EYS: variants seen among roughly 807,000 people sequenced by gnomAD.
The protein encoded by EYS is EGF-like photoreceptor maintenance factor.
In EYS, 250 loss-of-function variants were observed where a neutral mutation model predicts 282.1. That is an observed-to-expected ratio of 0.89 (90% confidence interval 0.80 to 0.98). EYS has a LOEUF of 0.98. EYS is among the 50% of genes least tolerant of loss of function. EYS has a pLI of 0.00. For synonymous variants in EYS, 1,355 were observed against 1,282.9 expected, an observed-to-expected ratio of 1.06 and a Z score of -1.20; for missense variants, 4,016 against 3,709.0, an observed-to-expected ratio of 1.08 and a Z score of -2.15.
intron 22 of EYS, among the ~76,000 whole-genome samples, chr6:64,783,108 T>A (rs913542488): frequency 6.6e-6 from 1 of 152,122 alleles, no homozygotes; most frequent in African/African-American, 2.4e-5. Flanking sequence ...TACCCACCTA[T>A]CAGTCACATA....
chr6:63,977,694 T>C (rs1766904274), intron 35 of EYS, among the ~76,000 whole-genome samples: 1 of 152,030 alleles, frequency 6.6e-6, no homozygotes, highest in East Asian at 1.9e-4. Flanking sequence ...TGAGGACTCC[T>C]GCATGTATCT....
intron 14 of EYS, among the ~76,000 whole-genome samples, chr6:64,980,902 T>C (rs1770641915): frequency 6.6e-6 from 1 of 151,370 alleles, no homozygotes; most frequent in East Asian, 1.9e-4. Flanking sequence ...ATACCCTTAA[T>C]TTAAAACTGG....
intron 37 of EYS, among the ~76,000 whole-genome samples, chr6:63,803,861 T>C (rs1421877478): frequency 1.3e-5 from 2 of 152,116 alleles, no homozygotes; most frequent in African/African-American, 4.8e-5. Context: ...AAAAGGATAC[T>C]AAATTAAAGT....
chr6:64,129,381 T>C (rs1773890429), intron 31 of EYS, among the ~76,000 whole-genome samples: 1 of 152,250 alleles, frequency 6.6e-6, no homozygotes, highest in Non-Finnish European at 1.5e-5. Context: ...CCAGTGATGA[T>C]GAACATTTTT....
chr6:64,579,151 C>A (rs1388989102), intron 26 of EYS, among the ~76,000 whole-genome samples: 1 of 152,108 alleles, frequency 6.6e-6, no homozygotes, highest in East Asian at 1.9e-4. Context: ...CTGTTTTGAT[C>A]CCTGCTCCCT....
chr6:65,693,687 A>G (rs1769330296), intron 1 of EYS, among the ~76,000 whole-genome samples: 1 of 150,216 alleles, frequency 6.7e-6, no homozygotes, highest in Non-Finnish European at 1.5e-5. Flanking sequence ...AAAGGATAAT[A>G]GGAGGAGTAA....
At chr6:63,777,488 C>T (rs1770094119) in intron 40 of EYS, 1 of 152,844 alleles carries the variant, frequency 6.5e-6, no homozygotes, top group African/African-American at 2.4e-5. Flanking sequence ...TCCCAGAACC[C>T]CTCATATACT....
chr6:65,695,360 G>A (rs1444080542), intron 1 of EYS, among the ~76,000 whole-genome samples: 1 of 151,998 alleles, frequency 6.6e-6, no homozygotes, highest in Non-Finnish European at 1.5e-5. Context: ...ACTCTCAGAA[G>A]GTATATGGCT....
chr6:64,981,699 C>A (rs1583356200), intron 14 of EYS, among the ~76,000 whole-genome samples: 1 of 151,240 alleles, frequency 6.6e-6, no homozygotes, highest in Non-Finnish European at 1.5e-5. Flanking sequence ...TATTTTAAAC[C>A]ATTTTGTTTT....
At chr6:64,522,166 T>C (rs1007195596) in intron 26 of EYS, among the ~76,000 whole-genome samples, 1 of 151,804 alleles carries the variant, frequency 6.6e-6, no homozygotes, top group African/African-American at 2.4e-5. Context: ...AAGTATGCGG[T>C]GCTTTTCTTG....
intron 22 of EYS, among the ~76,000 whole-genome samples, chr6:64,684,863 AG>A (rs1451530659): frequency 2.0e-5 from 3 of 152,070 alleles, no homozygotes; most frequent in African/African-American, 7.2e-5. Context: ...AAGACAGAAT[AG>A]GAAGTAAATT....
chr6:64,472,833 A>C (rs1204381487), intron 26 of EYS, among the ~76,000 whole-genome samples: 1 of 152,154 alleles, frequency 6.6e-6, no homozygotes, highest in African/African-American at 2.4e-5. Flanking sequence ...GACATCCTTT[A>C]ATAATCCCAC....
intron 31 of EYS, among the ~76,000 whole-genome samples, chr6:64,099,954 CTG>C (rs1318377055): frequency 1.3e-5 from 2 of 152,210 alleles, no homozygotes; most frequent in Admixed American, 6.5e-5. Context: ...TTATTTGAGA[CTG>C]TAATTCTGAA....
intron 26 of EYS, among the ~76,000 whole-genome samples, chr6:64,555,427 A>C (rs1323645664): frequency 6.6e-6 from 1 of 151,900 alleles, no homozygotes; most frequent in African/African-American, 2.4e-5. Context: ...AAAGATACCT[A>C]ATGTATGACA....
intron 31 of EYS, among the ~76,000 whole-genome samples, chr6:64,182,523 CT>C (rs1370743121): frequency 6.6e-6 from 1 of 152,076 alleles, no homozygotes; most frequent in Non-Finnish European, 1.5e-5. Context: ...GTTGTTTCTA[CT>C]GTATCATTTT....
intron 26 of EYS, among the ~76,000 whole-genome samples, chr6:64,538,618 A>G (rs925563322): frequency 6.6e-6 from 1 of 152,184 alleles, no homozygotes; most frequent in Admixed American, 6.5e-5. Context: ...TTGAAAGGCC[A>G]GTGGTGATAG....
rs1765048120 is a variant in EYS at position 65,369,330 on chromosome 6, T to TTTA, written c.1299+15055_1299+15056insTAA. ...TAATATATATATTATATATATATAT[T>TTTA]TATATATATATATATCTCATTCTGA... On this transcript the variant is annotated intron_variant, in intron 8 of 42. Transcript: ENST00000503581. Among the ~76,000 whole-genome samples, 10 of 138,312 alleles carry TTTA rather than the reference T, an allele frequency of 7.2e-5. No homozygotes were observed. The South Asian group carries it at 1.1e-3, about 16-fold the overall frequency. 90.7% of individuals were successfully genotyped at this position (138,312 alleles called of 152,430 possible).
intron 26 of EYS, among the ~76,000 whole-genome samples, chr6:64,554,374 G>A (rs1765177551): frequency 6.6e-6 from 1 of 152,084 alleles, no homozygotes; most frequent in African/African-American, 2.4e-5. Context: ...TGTGTCTCCT[G>A]GGGTGAAGAA....
At chr6:63,813,603 A>AT in intron 36 of EYS, among the ~76,000 whole-genome samples, 1 of 152,124 alleles carries the variant, frequency 6.6e-6, no homozygotes, top group Non-Finnish European at 1.5e-5. Flanking sequence ...TAAATATATA[A>AT]TTTTTTGGAG....
Sources: allele counts gnomAD v4.1 joint callset (sites outside exome capture counted in the v4.1 genomes callset), GRCh38; gene constraint gnomAD v4.1.1; transcripts MANE v1.5; gene names NCBI Gene and HGNC (gene_info 2026-07-23, HGNC 2026-07-21).